Variants in ZNRF1 observed in about 807,000 individuals in gnomAD.
ZNRF1 encodes the protein zinc and ring finger 1, also known as E3 ubiquitin-protein ligase ZNRF1.
A neutral mutation model predicts 18.4 loss-of-function variants in ZNRF1; 3 were observed. That is an observed-to-expected ratio of 0.16 (90% CI 0.07 to 0.42). ZNRF1 has a LOEUF of 0.42. Among genes scored for constraint, ZNRF1 ranks in the 10% least tolerant of loss-of-function variants. The probability of loss-of-function intolerance (pLI) is 0.99; values close to 1 mark genes in which losing one functional copy is unlikely to be tolerated. For synonymous variants in ZNRF1, 157 were observed against 144.2 expected (o/e 1.09, Z -0.64); for missense variants, 310 against 329.8 (o/e 0.94, Z 0.47).
chr16:75,036,559 C>A (rs1015568179), intron 1 of ZNRF1, among the ~76,000 whole-genome samples: 3 of 149,220 alleles, frequency 2.0e-5, no homozygotes, highest in Non-Finnish European at 4.4e-5. Flanking sequence ...CCAATACTTT[C>A]ATCTGTTTCT....
At chr16:75,018,729 C>G (rs911858979) in intron 1 of ZNRF1, among the ~76,000 whole-genome samples, 7 of 152,076 alleles carry the variant, frequency 4.6e-5, no homozygotes, top group African/African-American at 9.7e-5. Context: ...TCCTTATATT[C>G]TTGAAATTAA....
intron 1 of ZNRF1, among the ~76,000 whole-genome samples, chr16:75,062,561 G>T (rs958432438): frequency 6.6e-6 from 1 of 152,252 alleles, no homozygotes; most frequent in Admixed American, 6.5e-5. Flanking sequence ...GTGTGTAGCA[G>T]GATCACCCGG....
chr16:75,001,581 A>T (rs2034849968), intron 1 of ZNRF1, among the ~76,000 whole-genome samples: 2 of 152,156 alleles, frequency 1.3e-5, no homozygotes, highest in Admixed American at 6.6e-5. Context: ...TTCCTATGGA[A>T]TTTAGTCCAG....
rs561445167 is a variant in ZNRF1 at position 75,102,831 on chromosome 16, C to T, written c.521-1953C>T. Among the ~76,000 whole-genome samples, 44 of 152,330 alleles carry T rather than the reference C, an allele frequency of 2.9e-4. 2 individuals are homozygous for T. The South Asian group carries it at 9.1e-3, about 32-fold the overall frequency. ...TCATGCTTTCCTCCTGGGCACCCTC[C>T]CTTAGTGCAGGCACCTGCTGTGTGT... On this transcript the variant is annotated intron_variant, in intron 2 of 4. Transcript: ENST00000335325.
At chr16:75,012,603 T>G (rs1284004661) in intron 1 of ZNRF1, among the ~76,000 whole-genome samples, 4 of 152,156 alleles carry the variant, frequency 2.6e-5, no homozygotes, top group African/African-American at 9.7e-5. Flanking sequence ...ATAGTGAAAA[T>G]GAAACATTTA....
chr16:75,090,705 T>C (rs2036127312), intron 1 of ZNRF1, among the ~76,000 whole-genome samples: 1 of 152,094 alleles, frequency 6.6e-6, no homozygotes, highest in South Asian at 2.1e-4. Flanking sequence ...TGGAGTCAAC[T>C]GTCCACTTTG....
At chr16:75,001,142 T>C (rs947138125) in intron 1 of ZNRF1, among the ~76,000 whole-genome samples, 3 of 152,156 alleles carry the variant, frequency 2.0e-5, no homozygotes, top group African/African-American at 7.2e-5. Flanking sequence ...TTCTTTTGGG[T>C]GAGTTGGGAA....
intron 1 of ZNRF1, among the ~76,000 whole-genome samples, chr16:75,015,513 C>T (rs575922617): frequency 2.0e-5 from 3 of 152,176 alleles, no homozygotes; most frequent in South Asian, 2.1e-4. Flanking sequence ...AGGTGGAGGT[C>T]GTGGTGAGCC....
At chr16:75,080,309 C>T (rs2035994579) in intron 1 of ZNRF1, among the ~76,000 whole-genome samples, 1 of 152,168 alleles carries the variant, frequency 6.6e-6, no homozygotes, top group Non-Finnish European at 1.5e-5. Flanking sequence ...TCACAGACCT[C>T]CAGTGACAGA....
chr16:75,000,465 A>G, intron 1 of ZNRF1: 1 of 411,402 alleles, frequency 2.4e-6, no homozygotes, highest in Non-Finnish European at 4.7e-6. Flanking sequence ...CTCACCGGTA[A>G]CGGAGAGATG....
chr16:75,041,817 T>C (rs1193285776), intron 1 of ZNRF1, among the ~76,000 whole-genome samples: 1 of 149,992 alleles, frequency 6.7e-6, no homozygotes, highest in Non-Finnish European at 1.5e-5. Flanking sequence ...ACCCCATCTC[T>C]ACTAAAAAAA....
At chr16:75,080,012 T>C (rs1226375719) in intron 1 of ZNRF1, among the ~76,000 whole-genome samples, 1 of 152,066 alleles carries the variant, frequency 6.6e-6, no homozygotes, top group East Asian at 1.9e-4. Context: ...ACCTCCCGGG[T>C]TCAAGCGATT....
chr16:75,037,668 C>G (rs1328408348), intron 1 of ZNRF1, among the ~76,000 whole-genome samples: 1 of 150,714 alleles, frequency 6.6e-6, no homozygotes, highest in Non-Finnish European at 1.5e-5. Context: ...AGATCTCCCC[C>G]ACCCCAGACC....
chr16:75,014,885 G>C (rs1180586694), intron 1 of ZNRF1, among the ~76,000 whole-genome samples: 1 of 151,706 alleles, frequency 6.6e-6, no homozygotes, highest in Admixed American at 6.6e-5. Flanking sequence ...TTATATATTT[G>C]ATAATATATT....
intron 1 of ZNRF1, among the ~76,000 whole-genome samples, chr16:75,069,897 C>G (rs991974282): frequency 5.9e-5 from 9 of 152,172 alleles, no homozygotes; most frequent in African/African-American, 2.2e-4. Flanking sequence ...TCTAGCAGCC[C>G]ATTCCCCTTG....
chr16:75,059,369 T>C (rs1028915550), intron 1 of ZNRF1, among the ~76,000 whole-genome samples: 1 of 148,444 alleles, frequency 6.7e-6, no homozygotes, highest in Non-Finnish European at 1.5e-5. Context: ...TGCCTCAGCC[T>C]CCCAAGTAGC....
Position 74,999,555 on chromosome 16 carries a change from C to G in ZNRF1, c.-117C>G. 2.7e-6 allele frequency: 2 copies of G among 736,510 alleles called. No individual in the cohort carries two copies. Among genetic ancestry groups the G allele is most frequent in the Non-Finnish European group, 3.8e-6 (2 of 528,422 alleles). 45.6% of individuals were successfully genotyped at this position (736,510 alleles called of 1,614,324 possible). On this transcript the variant is annotated 5_prime_UTR_variant, in exon 1 of 5. Coordinates refer to ENST00000335325, the MANE Select transcript of ZNRF1 (RefSeq NM_032268.5). ...TTTTGCTTTTTTTCCTTTTCTCCCT[C>G]CGGGTCTCCTTTTTGACTCCCTCCC...
chr16:75,010,812 G>A (rs1255579481), intron 1 of ZNRF1, among the ~76,000 whole-genome samples: 7 of 146,916 alleles, frequency 4.8e-5, no homozygotes, highest in Non-Finnish European at 1.0e-4. Context: ...CTGGGCTCAA[G>A]CAATTCTCTT....
chr16:75,110,671 A>G lies in ZNRF1; in HGVS notation c.*2971A>G, dbSNP rs1369663382. 1.3e-5 allele frequency: 2 copies of G among 152,160 alleles called. No homozygotes were observed. The highest frequency in any genetic ancestry group is 2.4e-5 in the African/African-American group (1 of 41,430). 9.4% of individuals were successfully genotyped at this position (152,160 alleles called of 1,614,324 possible). A position where few individuals can be genotyped will look rare whatever the true frequency, so the allele number is the denominator to read the frequency against. On this transcript the variant is annotated 3_prime_UTR_variant, in exon 5 of 5. Transcript: ENST00000335325. ...GTACTTGTTCTTTCAACTTTTCTGT[A>G]TGTTTGGAATTTTTCTTAATAAAAG...
Sources: allele counts gnomAD v4.1 joint callset (sites outside exome capture counted in the v4.1 genomes callset), GRCh38; gene constraint gnomAD v4.1.1; transcripts MANE v1.5; gene names NCBI Gene and HGNC (gene_info 2026-07-23, HGNC 2026-07-21).